The following EXOSC1 variants were observed in gnomAD, a reference collection of about 807,000 sequenced individuals.
The protein encoded by EXOSC1 is exosome component 1.
A neutral mutation model predicts 31.4 loss-of-function variants in EXOSC1; 27 were observed. That is an observed-to-expected ratio of 0.86 (90% CI 0.63 to 1.18). The LOEUF is 1.18. EXOSC1 is among the 50% of genes most tolerant of loss of function. The pLI is 0.00. For missense variants in EXOSC1, 228 were observed against 250.3 expected, an observed-to-expected ratio of 0.91 and a Z score of 0.60; for synonymous variants, 84 against 89.5, an observed-to-expected ratio of 0.94 and a Z score of 0.35.
intron 4 of EXOSC1, among the ~76,000 whole-genome samples, chr10:97,440,412 A>C (rs1279121112): frequency 6.6e-6 from 1 of 151,992 alleles, no homozygotes; most frequent in Non-Finnish European, 1.5e-5. Flanking sequence ...GCAGTGGTGC[A>C]ATCTCAGCTC....
chr10:97,445,570 G>C (rs1845926194), intron 2 of EXOSC1, 162 bp downstream of exon 2: 1 of 649,354 alleles, frequency 1.5e-6, no homozygotes, highest in Non-Finnish European at 2.6e-6. Flanking sequence ...GTGTGTGGTG[G>C]CTAAGTGCAC....
rs760075742 is a variant in EXOSC1 at position 97,445,740 on chromosome 10, T to C, written c.139A>G (p.Asn47Asp). The C allele has an allele frequency of 5.7e-5, 92 of 1,612,894 alleles. No individual in the cohort carries two copies. The highest frequency in any genetic ancestry group is 7.5e-5 in the Non-Finnish European group (88 of 1,179,146). The change falls in exon 2 of 8, where the codon AAT (asparagine) becomes GAT (aspartate). Residue 47 changes from asparagine to aspartate, a missense_variant. Physicochemically the swap from Asn to Asp is conservative, Grantham distance 23 (BLOSUM62 1). Transcript: ENST00000370902. ...LAGCLMKSSE[N>D]GALPVVSVVR... Reference sequence around the variant, plus strand: ...CATGCCGCTTCCTTTACCGCGCCATTCTCGCTGCTCTTCATCAGACAGCCG... The same window carrying C: ...CATGCCGCTTCCTTTACCGCGCCATCCTCGCTGCTCTTCATCAGACAGCCG...
intron 3 of EXOSC1, among the ~76,000 whole-genome samples, chr10:97,441,715 C>T (rs1845721469): frequency 6.6e-6 from 1 of 150,708 alleles, no homozygotes; most frequent in Admixed American, 6.6e-5. Flanking sequence ...GTCTCGAACT[C>T]CTGATCTCAG....
chr10:97,440,593 A>C (rs1845684943), intron 4 of EXOSC1, among the ~76,000 whole-genome samples: 1 of 149,936 alleles, frequency 6.7e-6, no homozygotes. Flanking sequence ...ATCTTGGCTC[A>C]CTGCAACCTC....
At chr10:97,443,411 G>T in intron 2 of EXOSC1, 100 bp from the exon 3 acceptor site, 1 of 1,010,458 alleles carries the variant, frequency 9.9e-7, no homozygotes, top group Non-Finnish European at 1.5e-6. Flanking sequence ...GTATAAAGGT[G>T]AGAGTTGGAG....
chr10:97,436,793 G>A (rs1435944803), intron 7 of EXOSC1, among the ~76,000 whole-genome samples: 1 of 152,208 alleles, frequency 6.6e-6, no homozygotes, highest in Non-Finnish European at 1.5e-5. Flanking sequence ...GGAGGCCAAG[G>A]CGGGCAGATC....
At position 97,437,728 on chromosome 10, in the gene EXOSC1, C is replaced by G. The variant is rs769739512; in HGVS notation, c.368G>C (p.Arg123Pro). The change falls in exon 6 of 8, where the codon CGC (arginine) becomes CCC (proline). Residue 123 changes from arginine (R) to proline (P), a missense_variant. Transcript: ENST00000370902. ...KDKVEIYKSF[R>P]PGDIVLAKVI... ...TTTGGCCAAGACAATGTCACCTGGG[C>G]GGAAACTCTTATAAATTTCAACCTG... is the stretch of plus-strand genomic sequence containing the variant. The G allele has an allele frequency of 7.4e-6, 12 of 1,612,944 alleles. No homozygotes were observed. The highest frequency in any genetic ancestry group is 5.0e-5 in the Admixed American group (3 of 59,930).
At position 97,445,954 on chromosome 10, in the gene EXOSC1, C is replaced by A. The variant is rs373071172; in HGVS notation, c.31+1G>T. On this transcript the variant is annotated splice_donor_variant, in intron 1 of 7. Transcript: ENST00000370902. LOFTEE classifies it high-confidence loss of function. ...ACTCTGTACGGGAAGCGCTCACTTA[C>A]CGGGGATGCAGTATCTCACAGGTGG... 3 of 1,614,200 alleles carry A rather than the reference C, an allele frequency of 1.9e-6. No individual in the cohort carries two copies. Among genetic ancestry groups the A allele is most frequent in the Non-Finnish European group, 8.5e-7 (1 of 1,180,034 alleles).
chr10:97,436,695 A>T lies in EXOSC1; in HGVS notation c.482-144T>A, dbSNP rs1015323926. 4.5e-6 allele frequency: 3 copies of T among 661,326 alleles called. No homozygotes were observed. In the African/African-American group the frequency reaches 5.6e-5, roughly 12 times the overall value. The allele number at this position is 661,326 out of a possible 1,614,324, so 41.0% of individuals were successfully genotyped here. On this transcript the variant is annotated intron_variant, in intron 7 of 7. Transcript: ENST00000370902. Reference sequence around the variant, plus strand: ...AGAAAAAACTTTGTTCATTCTACTGACTTATGAAGTGAGTCCCGTTTCCTT... The same window carrying T: ...AGAAAAAACTTTGTTCATTCTACTGTCTTATGAAGTGAGTCCCGTTTCCTT...
At chr10:97,438,822 G>C in intron 4 of EXOSC1, 119 bp from the exon 5 acceptor site, 1 of 744,710 alleles carries the variant, frequency 1.3e-6, no homozygotes, top group South Asian at 1.6e-5. Context: ...GCGCAATTTT[G>C]CTCACTGCAA....
At chr10:97,441,494 T>G (rs1340358226) in intron 3 of EXOSC1, among the ~76,000 whole-genome samples, 2 of 150,452 alleles carry the variant, frequency 1.3e-5, no homozygotes, top group East Asian at 1.9e-4. Flanking sequence ...GGGTTTTTTT[T>G]TTTTTTTTTT....
chr10:97,438,750 A>AT (rs11316935), intron 4 of EXOSC1, 47 bp from the exon 5 acceptor site: 41,308 of 989,146 alleles, frequency 0.042, 73 homozygotes, highest in African/African-American at 0.061. Context: ...GTGAGAAAGA[A>AT]TTTTTTTTTT....
chr10:97,444,732 T>A (rs1353493901), intron 2 of EXOSC1: 1 of 152,228 alleles, frequency 6.6e-6, no homozygotes, highest in African/African-American at 2.4e-5. Context: ...GCCCCTTGAA[T>A]CAGACAGCTT....
At position 97,437,845 on chromosome 10, in the gene EXOSC1, C is replaced by A. The variant is rs1845592483; in HGVS notation, c.346-95G>T. ...TGGTAAAGCCAATCTACTTTCTAAT[C>A]CTGGAGGGTAGAAATCATCATTACT... On this transcript the variant is annotated intron_variant, in intron 5 of 7. Transcript: ENST00000370902. The A allele has an allele frequency of 5.0e-6, 5 of 993,694 alleles. No homozygotes were observed. In the South Asian group the frequency reaches 5.3e-5, roughly 11 times the overall value. 61.6% of individuals were successfully genotyped at this position (993,694 alleles called of 1,614,324 possible).
At chr10:97,441,872 A>C (rs1189574181) in intron 3 of EXOSC1, among the ~76,000 whole-genome samples, 1 of 143,026 alleles carries the variant, frequency 7.0e-6, no homozygotes, top group Non-Finnish European at 1.5e-5. Context: ...ATGGCTAACA[A>C]TTAAAAAAAA....
chr10:97,436,666 A>C, intron 7 of EXOSC1, 115 bp from the exon 8 acceptor site: 2 of 901,496 alleles, frequency 2.2e-6, no homozygotes, highest in Non-Finnish European at 3.3e-6. Flanking sequence ...ACCTCAACTC[A>C]TAAAGAAAAA....
chr10:97,437,735 T>A lies in EXOSC1; in HGVS notation c.361A>T (p.Ser121Cys). ...TEKDKVEIYK[S>C]FRPGDIVLAK... is the part of the protein sequence containing the mutation. ...AAGACAATGTCACCTGGGCGGAAAC[T>A]CTTATAAATTTCAACCTGTAAAGAA... The change falls in exon 6 of 8, where the codon AGT (serine) becomes TGT (cysteine). Residue 121 changes from serine to cysteine, a missense_variant. By Grantham distance (112) the Ser-to-Cys change is moderately radical. Coordinates refer to ENST00000370902, the MANE Select transcript of EXOSC1 (RefSeq NM_016046.5). 1 of 1,613,260 alleles carries A rather than the reference T, an allele frequency of 6.2e-7. No individual in the cohort carries two copies. The highest frequency in any genetic ancestry group is 8.5e-7 in the Non-Finnish European group (1 of 1,179,466).
intron 4 of EXOSC1, among the ~76,000 whole-genome samples, chr10:97,439,970 C>A (rs955027387): frequency 2.9e-5 from 4 of 139,654 alleles, no homozygotes; most frequent in Non-Finnish European, 4.7e-5. Flanking sequence ...ATGCCTTCTA[C>A]TTTTTTTTTT....
intron 2 of EXOSC1, 109 bp from the exon 3 acceptor site, chr10:97,443,420 A>C: frequency 1.1e-6 from 1 of 932,306 alleles, no homozygotes; most frequent in South Asian, 1.6e-5. Context: ...TGAGAGTTGG[A>C]GTATGGATTC....
Sources: gnomAD v4.1 joint callset for allele counts (sites outside exome capture counted in the v4.1 genomes callset) on GRCh38, gnomAD v4.1.1 for gene constraint, MANE v1.5 for transcripts, NCBI Gene and HGNC (gene_info 2026-07-23, HGNC 2026-07-21) for gene names.